Variants in MGAT4B observed in about 807,000 individuals in gnomAD.
The protein encoded by MGAT4B is alpha-1,3-mannosyl-glycoprotein 4-beta-N-acetylglucosaminyltransferase B.
In MGAT4B, 38 loss-of-function variants were observed where a neutral mutation model predicts 73.9. The observed-to-expected ratio is 0.51, with a 90% CI of 0.40 to 0.67. The LOEUF (loss-of-function observed/expected upper bound fraction) is 0.67, where lower values mean the gene tolerates loss of function less well. Among genes scored for constraint, MGAT4B ranks in the 30% least tolerant of loss-of-function variants. The pLI is 0.00. For synonymous variants in MGAT4B, 373 were observed against 313.5 expected, an observed-to-expected ratio of 1.19 and a Z score of -2.01; for missense variants, 686 against 735.2, an observed-to-expected ratio of 0.93 and a Z score of 0.77.
Position 179,801,256 on chromosome 5 carries a change from G to T in MGAT4B, c.558+78C>A. The T allele has an allele frequency of 1.3e-6, 2 of 1,496,360 alleles. No homozygotes were observed. Among genetic ancestry groups the T allele is most frequent in the South Asian group, 1.3e-5 (1 of 77,682 alleles). The allele number at this position is 1,496,360 out of a possible 1,614,324, so 92.7% of individuals were successfully genotyped here. On this transcript the variant is annotated intron_variant, in intron 4 of 14. Transcript: ENST00000292591. This position sits in a 1 kb window ranked among gnomAD's most constrained non-coding sequence, Gnocchi z 4.8. The stretch of plus-strand genomic sequence containing the variant: ...CTGAACTTCCGACAGCTTTCTCCTC[G>T]GAATGGTTCCTGCTGTCAGTTCTGC...
Position 179,801,275 on chromosome 5 carries a change from G to C in MGAT4B, c.558+59C>G. 6.4e-7 allele frequency: 1 copy of C among 1,554,198 alleles called. No individual in the cohort carries two copies. The highest frequency in any genetic ancestry group is 8.7e-7 in the Non-Finnish European group (1 of 1,146,918). ...CTCCTCGGAATGGTTCCTGCTGTCAGTTCTGCACCGCGGGGGCTCCTCTGA... is the reference window on the plus strand; with the variant it reads ...CTCCTCGGAATGGTTCCTGCTGTCACTTCTGCACCGCGGGGGCTCCTCTGA... On this transcript the variant is annotated intron_variant, in intron 4 of 14. Coordinates refer to ENST00000292591, the MANE Select transcript of MGAT4B (RefSeq NM_014275.5). The surrounding 1 kb of genome is among the most constrained non-coding windows in gnomAD (Gnocchi z 4.8).
Position 179,806,224 on chromosome 5 carries a change from C to A in MGAT4B, c.97+263G>T, listed in dbSNP as rs1016670346. 40 of 166,390 alleles carry A rather than the reference C, an allele frequency of 2.4e-4. No homozygotes were observed. The highest frequency in any genetic ancestry group is 4.8e-4 in the Non-Finnish European group (37 of 77,706). The allele number at this position is 166,390 out of a possible 1,614,324, so 10.3% of individuals were successfully genotyped here. A position where few individuals can be genotyped will look rare whatever the true frequency, so the allele number is the denominator to read the frequency against. On this transcript the variant is annotated intron_variant, in intron 1 of 14. Transcript: ENST00000292591. This position sits in a 1 kb window ranked among gnomAD's most constrained non-coding sequence, Gnocchi z 4.6. ...TCTCTGCCCCTCTCCGAGAACCCCA[C>A]GGGTCCCCAGCTCAGCGTCGGGACA...
At chr5:179,805,910 G>C (rs1443318528) in intron 1 of MGAT4B, among the ~76,000 whole-genome samples, 2 of 152,182 alleles carry the variant, frequency 1.3e-5, no homozygotes, top group African/African-American at 4.8e-5. Flanking sequence ...GGGAAGCTCG[G>C]GGTGCGGAGG....
chr5:179,805,864 G>A (rs970334005), intron 1 of MGAT4B, among the ~76,000 whole-genome samples: 9 of 152,250 alleles, frequency 5.9e-5, no homozygotes, highest in Admixed American at 3.3e-4. Context: ...CCGCCTGCAA[G>A]AGCGCTGGGC....
In MGAT4B at chr5:179,803,400, C is replaced by T. The variant is rs1171050367; in HGVS notation, c.98-1431G>A. On this transcript the variant is annotated intron_variant, in intron 1 of 14. Transcript: ENST00000292591. ...ACCCCTTGAATGCAGAGCTGGCTAT[C>T]CCCAGGGCTCACCCATTGCTGGGTG... 3 of 401,134 alleles carry T rather than the reference C, an allele frequency of 7.5e-6. No individual in the cohort carries two copies. In the East Asian group the frequency reaches 4.8e-4, roughly 64 times the overall value. The allele number at this position is 401,134 out of a possible 1,614,324, so 24.8% of individuals were successfully genotyped here. A position where few individuals can be genotyped will look rare whatever the true frequency, so the allele number is the denominator to read the frequency against.
rs910040159 is a variant in MGAT4B at position 179,806,423 on chromosome 5, G to A, written c.97+64C>T. On this transcript the variant is annotated intron_variant, in intron 1 of 14. Coordinates refer to ENST00000292591, the MANE Select transcript of MGAT4B (RefSeq NM_014275.5). This position sits in a 1 kb window ranked among gnomAD's most constrained non-coding sequence, Gnocchi z 4.6. ...CCGGCCGCCTTCCGCGGCCACCGCC[G>A]GGCCCGCTCCCGCCGCCGACGCCCA... The A allele has an allele frequency of 4.8e-6, 5 of 1,048,030 alleles. No homozygotes were observed. Among genetic ancestry groups the A allele is most frequent in the Non-Finnish European group, 5.9e-6 (5 of 848,150 alleles). 64.9% of individuals were successfully genotyped at this position (1,048,030 alleles called of 1,614,324 possible). A position where few individuals can be genotyped will look rare whatever the true frequency, so the allele number is the denominator to read the frequency against.
rs369109717 is a variant in MGAT4B at position 179,800,176 on chromosome 5, G to A, written c.795+8C>T. ...GCAGGGCAGGGCAACGCAGGGCTTG[G>A]GGCTGACCTGCACGTAGTAGATGCC... is the stretch of plus-strand genomic sequence containing the variant. On this transcript the variant is annotated splice_region_variant and intron_variant, in intron 7 of 14. Coordinates refer to ENST00000292591, the MANE Select transcript of MGAT4B (RefSeq NM_014275.5). The A allele has an allele frequency of 6.2e-6, 10 of 1,613,568 alleles. No homozygotes were observed. Among genetic ancestry groups the A allele is most frequent in the Non-Finnish European group, 8.5e-6 (10 of 1,179,946 alleles).
chr5:179,802,749 T>A (rs1581979059), intron 1 of MGAT4B: 23 of 985,418 alleles, frequency 2.3e-5, no homozygotes, highest in Non-Finnish European at 2.8e-5. Flanking sequence ...TGCCCGACAG[T>A]AGAGAGGCAC....
Position 179,798,559 on chromosome 5 carries a change from G to A in MGAT4B, c.1376C>T (p.Pro459Leu), listed in dbSNP as rs765279702. The change falls in exon 12 of 15, where the codon CCG (proline) becomes CTG (leucine). Residue 459 changes from proline to leucine, a missense_variant. Coordinates refer to ENST00000292591, the MANE Select transcript of MGAT4B (RefSeq NM_014275.5). ...FFFRSGNIEH[P>L]EDKLFNTSVE... ...AGACGTGTTGAAGAGCTTGTCCTCC[G>A]GGTGCTCGATGTTCCCACTGCGGAA... 1.9e-6 allele frequency: 3 copies of A among 1,613,536 alleles called. No homozygotes were observed. The highest frequency in any genetic ancestry group is 2.5e-6 in the Non-Finnish European group (3 of 1,180,014).
intron 4 of MGAT4B, 29 bp from the exon 5 acceptor site, chr5:179,800,982 G>C: frequency 2.5e-6 from 4 of 1,613,206 alleles, no homozygotes; most frequent in Non-Finnish European, 3.4e-6. Flanking sequence ...CCCTCCCTTA[G>C]CCCTGCTGCT....
chr5:179,798,796 A>T, intron 11 of MGAT4B, 132 bp downstream of exon 11: 1 of 1,176,846 alleles, frequency 8.5e-7, no homozygotes, highest in Non-Finnish European at 1.2e-6. Flanking sequence ...AGTCCTCACA[A>T]GGTAGCTACC....
Position 179,806,223 on chromosome 5 carries a change from A to G in MGAT4B, c.97+264T>C. Reference sequence around the variant, plus strand: ...GTCTCTGCCCCTCTCCGAGAACCCCACGGGTCCCCAGCTCAGCGTCGGGAC... The same window carrying G: ...GTCTCTGCCCCTCTCCGAGAACCCCGCGGGTCCCCAGCTCAGCGTCGGGAC... On this transcript the variant is annotated intron_variant, in intron 1 of 14. Transcript: ENST00000292591. The surrounding 1 kb of genome is among the most constrained non-coding windows in gnomAD (Gnocchi z 4.6). 1 of 165,754 alleles carries G rather than the reference A, an allele frequency of 6.0e-6. No homozygotes were observed. 10.3% of individuals were successfully genotyped at this position (165,754 alleles called of 1,614,324 possible).
In MGAT4B at chr5:179,806,466, C is replaced by T. The variant is rs1269221166; in HGVS notation, c.97+21G>A. On this transcript the variant is annotated intron_variant, in intron 1 of 14. Coordinates refer to ENST00000292591, the MANE Select transcript of MGAT4B (RefSeq NM_014275.5). The surrounding 1 kb of genome is among the most constrained non-coding windows in gnomAD (Gnocchi z 4.6). Reference sequence around the variant, plus strand: ...GACGCCCAGGTGCGCCAGGTGCGGGCCGGGCGGGGGTCGCGCTCACCTTTC... The same window carrying T: ...GACGCCCAGGTGCGCCAGGTGCGGGTCGGGCGGGGGTCGCGCTCACCTTTC... 3.2e-6 allele frequency: 4 copies of T among 1,254,432 alleles called. No homozygotes were observed. The highest frequency in any genetic ancestry group is 9.7e-5 in the East Asian group (2 of 20,590). The allele number at this position is 1,254,432 out of a possible 1,614,324, so 77.7% of individuals were successfully genotyped here.
chr5:179,798,921 C>A lies in MGAT4B; in HGVS notation c.1343+7G>T. On this transcript the variant is annotated splice_region_variant and intron_variant, in intron 11 of 14. Coordinates refer to ENST00000292591, the MANE Select transcript of MGAT4B (RefSeq NM_014275.5). ...CCCCATCGCAGACCCATGGTGCTGG[C>A]ACTGACCGCTCCAGTCTTAGAGGTT... 1 of 1,613,390 alleles carries A rather than the reference C, an allele frequency of 6.2e-7. No individual in the cohort carries two copies.
chr5:179,803,177 G>C (rs1051999029), intron 1 of MGAT4B: 22 of 985,446 alleles, frequency 2.2e-5, no homozygotes, highest in Non-Finnish European at 2.5e-5. Context: ...AAGGAGCAGG[G>C]AGCCAGGTAG....
rs374993007 is a variant in MGAT4B at position 179,800,174 on chromosome 5, T to G, written c.795+10A>C. 1 of 1,611,792 alleles carries G rather than the reference T, an allele frequency of 6.2e-7. No individual in the cohort carries two copies. Among genetic ancestry groups the G allele is most frequent in the Admixed American group, 1.7e-5 (1 of 59,908 alleles). ...GGGCAGGGCAGGGCAACGCAGGGCT[T>G]GGGGCTGACCTGCACGTAGTAGATG... is the stretch of plus-strand genomic sequence containing the variant. On this transcript the variant is annotated intron_variant, in intron 7 of 14. Transcript: ENST00000292591.
intron 1 of MGAT4B, chr5:179,802,606 G>C (rs866438799): frequency 2.8e-5 from 28 of 989,740 alleles, no homozygotes; most frequent in Middle Eastern, 1.0e-3. Flanking sequence ...TGGTGCCTGT[G>C]TCTCTGGAGA....
At chr5:179,800,339 A>G in intron 6 of MGAT4B, 80 bp from the exon 7 acceptor site, 1 of 1,540,336 alleles carries the variant, frequency 6.5e-7, no homozygotes, top group South Asian at 1.1e-5. Context: ...CTGGGTGGGC[A>G]GCTTCTGTCC....
Position 179,800,934 on chromosome 5 carries a change from G to A in MGAT4B, c.578C>T (p.Ser193Leu), listed in dbSNP as rs773945740. 4.3e-5 allele frequency: 69 copies of A among 1,613,870 alleles called. No individual in the cohort carries two copies. Among genetic ancestry groups the A allele is most frequent in the Non-Finnish European group, 5.2e-5 (61 of 1,179,970 alleles). Residue 193 changes from serine (S) to leucine (L), a missense_variant, in exon 5 of 15, where the codon TCG (serine) becomes TTG (leucine). This residue lies in a region of MGAT4B where 449 missense variants were observed against 536.8 expected (regional missense o/e 0.84). Coordinates refer to ENST00000292591, the MANE Select transcript of MGAT4B (RefSeq NM_014275.5). ...GGCCTTGATGTTCTCTGTCACTGCC[G>A]AAGTGTACTGTGAGTCAGTCTGTGG... is the stretch of plus-strand genomic sequence containing the variant. ...LIAETDSQYTSAVTENIKALF... is the reference protein window; with the variant it reads ...LIAETDSQYTLAVTENIKALF...
Sources: gnomAD v4.1 joint callset for allele counts (sites outside exome capture counted in the v4.1 genomes callset) on GRCh38, gnomAD v4.1.1 for gene constraint, gnomAD v4.1.1 regional missense constraint, Gnocchi (gnomAD v3.1) non-coding constraint, MANE v1.5 for transcripts, NCBI Gene and HGNC (gene_info 2026-07-23, HGNC 2026-07-21) for gene names.